Variants in LRRK1 observed in about 807,000 individuals in gnomAD.
LRRK1 encodes leucine rich repeat kinase 1.
Under a neutral mutation model 209.1 loss-of-function variants are expected in LRRK1, and 113 were observed. That is an observed-to-expected ratio of 0.54 (90% CI 0.46 to 0.63). LRRK1 has a LOEUF of 0.63. LRRK1 is among the 30% of genes least tolerant of loss of function. LRRK1 has a pLI of 0.00. For missense variants in LRRK1, 2,284 were observed against 2,632.2 expected (o/e 0.87, Z 2.89); for synonymous variants, 1,144 against 1,099.7 (o/e 1.04, Z -0.80).
chr15:101,040,374 C>G (rs748468412), intron 20 of LRRK1, among the ~76,000 whole-genome samples: 3 of 151,554 alleles, frequency 2.0e-5, no homozygotes, highest in African/African-American at 7.3e-5. Flanking sequence ...GTGATATGCT[C>G]TCTCTCCTGA....
intron 2 of LRRK1, among the ~76,000 whole-genome samples, chr15:100,935,010 A>G (rs56293304): frequency 0.21 from 31,390 of 152,078 alleles, 3,929 homozygotes; most frequent in Middle Eastern, 0.3. Flanking sequence ...TTTATTGAAC[A>G]TACTGAAAAT....
rs144840839 is a variant in LRRK1, at chr15:100,979,679, T to C, written c.262-3849T>C. On this transcript the variant is annotated intron_variant, in intron 3 of 33. Coordinates refer to ENST00000388948, the MANE Select transcript of LRRK1 (RefSeq NM_024652.6). ...GAGAGAGGTATTTACAAATCACTTA[T>C]CTGACAAAGGACTCATAGCTAGAAT... Among the ~76,000 whole-genome samples, 3 of 152,312 alleles carry C rather than the reference T, an allele frequency of 2.0e-5. No homozygotes were observed. The East Asian group carries it at 5.8e-4, about 29-fold the overall frequency.
intron 2 of LRRK1, among the ~76,000 whole-genome samples, chr15:100,950,839 C>T (rs1453866341): frequency 2.0e-5 from 3 of 152,258 alleles, no homozygotes; most frequent in Admixed American, 6.5e-5. Flanking sequence ...CGCGGTGGCT[C>T]GCGCCTGTCA....
At chr15:100,941,176 CTG>C (rs1279075858) in intron 2 of LRRK1, among the ~76,000 whole-genome samples, 1 of 146,750 alleles carries the variant, frequency 6.8e-6, no homozygotes, top group Non-Finnish European at 1.5e-5. Flanking sequence ...ATGTGTGTGT[CTG>C]TGTGTCTTTG....
intron 2 of LRRK1, among the ~76,000 whole-genome samples, chr15:100,941,358 G>GTGTGTGCCTGTATC: frequency 7.0e-6 from 1 of 142,082 alleles, no homozygotes; most frequent in African/African-American, 2.8e-5. Context: ...TTGTGTGTGT[G>GTGTGTGCCTGTATC]TGTGTGTGCC....
At chr15:101,018,720 G>A (rs1464372401) in intron 12 of LRRK1, among the ~76,000 whole-genome samples, 1 of 152,224 alleles carries the variant, frequency 6.6e-6, no homozygotes, top group African/African-American at 2.4e-5. Context: ...TGAGGGGGCC[G>A]CGCCCCTGGG....
At chr15:101,040,191 C>T (rs1004541698) in intron 20 of LRRK1, among the ~76,000 whole-genome samples, 10 of 152,100 alleles carry the variant, frequency 6.6e-5, no homozygotes, top group African/African-American at 1.2e-4. Flanking sequence ...GTTTACTTCA[C>T]AAGAGGATTT....
chr15:100,977,263 G>A (rs1041229807), intron 3 of LRRK1, among the ~76,000 whole-genome samples: 1 of 151,758 alleles, frequency 6.6e-6, no homozygotes, highest in African/African-American at 2.4e-5. Context: ...AAGCCAGGCA[G>A]GAAACTTACA....
intron 2 of LRRK1, among the ~76,000 whole-genome samples, chr15:100,946,137 A>T (rs2042535779): frequency 6.6e-6 from 1 of 152,248 alleles, no homozygotes. Flanking sequence ...CTTGTGTAGG[A>T]GGACTTAATA....
chr15:100,975,327 C>T (rs758084633), intron 3 of LRRK1, among the ~76,000 whole-genome samples: 21 of 152,096 alleles, frequency 1.4e-4, no homozygotes, highest in African/African-American at 2.4e-4. Flanking sequence ...GAGATGCTGA[C>T]GGGGGAAGAT....
intron 2 of LRRK1, among the ~76,000 whole-genome samples, chr15:100,957,186 T>C (rs2042782749): frequency 1.3e-5 from 2 of 152,238 alleles, no homozygotes; most frequent in South Asian, 2.1e-4. Flanking sequence ...ATCTTAAATA[T>C]GTTAAGACTT....
chr15:101,026,232 T>A, intron 17 of LRRK1, 95 bp downstream of exon 17: 1 of 1,306,456 alleles, frequency 7.7e-7, no homozygotes, highest in Non-Finnish European at 1.1e-6. Flanking sequence ...TGAGTCTGGG[T>A]GGGGCTAGGC....
At chr15:101,064,234 ATGT>A (rs2036385536) in intron 31 of LRRK1, among the ~76,000 whole-genome samples, 1 of 152,226 alleles carries the variant, frequency 6.6e-6, no homozygotes, top group South Asian at 2.1e-4. Flanking sequence ...TTCTTAGAGC[ATGT>A]TGTCCTGGAC....
At position 101,042,583 on chromosome 15, in the gene LRRK1, G is replaced by A. The variant is rs191644189; in HGVS notation, c.2964-3398G>A. On this transcript the variant is annotated intron_variant, in intron 20 of 33. Coordinates refer to ENST00000388948, the MANE Select transcript of LRRK1 (RefSeq NM_024652.6). ...CTTGTTACCTCTTACCCACCTGCCC[G>A]GACCCTCAGTTATGCTGTCAGCCCT... Among the ~76,000 whole-genome samples the A allele has an allele frequency of 1.5e-4, 23 of 152,076 alleles. No homozygotes were observed. The East Asian group carries it at 2.5e-3, about 17-fold the overall frequency.
chr15:101,017,161 C>T (rs977004027), intron 12 of LRRK1, among the ~76,000 whole-genome samples: 4 of 152,194 alleles, frequency 2.6e-5, no homozygotes, highest in African/African-American at 9.7e-5. Context: ...ATACAACTTT[C>T]TTCTTCAGTT....
At position 101,021,684 on chromosome 15, in the gene LRRK1, G is replaced by A. The variant is rs560346367; in HGVS notation, c.1740-161G>A. Reference sequence around the variant, plus strand: ...GCCGTTTCTATCACTGATCCTCCAGGAGAAAGCCTTTGGAATTAGTGTTGA... The same window carrying A: ...GCCGTTTCTATCACTGATCCTCCAGAAGAAAGCCTTTGGAATTAGTGTTGA... On this transcript the variant is annotated intron_variant, in intron 13 of 33. Transcript: ENST00000388948. 8.5e-6 allele frequency: 5 copies of A among 588,376 alleles called. No individual in the cohort carries two copies. The East Asian group carries it at 1.2e-4, about 14-fold the overall frequency. 36.4% of individuals were successfully genotyped at this position (588,376 alleles called of 1,614,324 possible).
At position 101,027,640 on chromosome 15, in the gene LRRK1, C is replaced by G; in HGVS notation, c.2529C>G (p.Ile843Met). ...TGCCTCGCCCAACTGTCCCCCAGAT[C>G]CCCAGGAGCTACCTGAGCCTGCAGG... ...IGCQRLAGRL[I>M]PRSYLSLQEA... Residue 843 changes from isoleucine (I) to methionine (M), a missense_variant and splice_region_variant, in exon 19 of 34, where the codon ATC becomes ATG. Transcript: ENST00000388948. This position sits in a 1 kb window ranked among gnomAD's most constrained non-coding sequence, Gnocchi z 5.1. 1 of 1,611,670 alleles carries G rather than the reference C, an allele frequency of 6.2e-7. No homozygotes were observed. Among genetic ancestry groups the G allele is most frequent in the South Asian group, 1.1e-5 (1 of 90,440 alleles).
chr15:100,925,061 TAAAA>T (rs563851273), intron 2 of LRRK1, among the ~76,000 whole-genome samples: 3 of 151,896 alleles, frequency 2.0e-5, no homozygotes, highest in Non-Finnish European at 4.4e-5. Flanking sequence ...AAAAATAATT[TAAAA>T]AAAAGGAAGA....
intron 28 of LRRK1, among the ~76,000 whole-genome samples, chr15:101,057,514 A>G (rs2035880208): frequency 6.6e-6 from 1 of 152,226 alleles, no homozygotes; most frequent in Non-Finnish European, 1.5e-5. Context: ...AGACAGAGCT[A>G]GTTTAATGTA....
Sources: allele counts gnomAD v4.1 joint callset (sites outside exome capture counted in the v4.1 genomes callset), GRCh38; gene constraint gnomAD v4.1.1; non-coding constraint Gnocchi (gnomAD v3.1); transcripts MANE v1.5; gene names NCBI Gene and HGNC (gene_info 2026-07-23, HGNC 2026-07-21).